Variants in CA10 observed in about 807,000 individuals in gnomAD.
The protein encoded by CA10 is carbonic anhydrase-related protein 10.
In CA10, 14 loss-of-function variants were observed where a neutral mutation model predicts 44.2. That is an observed-to-expected ratio of 0.32 (90% confidence interval 0.21 to 0.50). CA10 has a LOEUF of 0.50. Among genes scored for constraint, CA10 ranks in the 20% least tolerant of loss-of-function variants. The pLI, the probability that CA10 is intolerant of heterozygous loss-of-function variation, is 0.99. For missense variants in CA10, 350 were observed against 409.7 expected (o/e 0.85, Z 1.26); for synonymous variants, 159 against 141.6 (o/e 1.12, Z -0.87).
intron 1 of CA10, among the ~76,000 whole-genome samples, chr17:52,139,317 G>A (rs1028471060): frequency 2.0e-5 from 3 of 152,052 alleles, no homozygotes; most frequent in African/African-American, 7.2e-5. Context: ...AAATAGTCTT[G>A]GATATCCATT....
At chr17:51,871,226 CTTATTTAT>C (rs530615358) in intron 3 of CA10, among the ~76,000 whole-genome samples, 10 of 149,164 alleles carry the variant, frequency 6.7e-5, no homozygotes, top group South Asian at 4.3e-4. Context: ...GCCTGGCTTG[CTTATTTAT>C]TTATTTATTT....
At chr17:51,957,249 A>G (rs1395422326) in intron 2 of CA10, among the ~76,000 whole-genome samples, 2 of 152,158 alleles carry the variant, frequency 1.3e-5, no homozygotes, top group Non-Finnish European at 2.9e-5. Context: ...CAAGGTGTTC[A>G]AGGCAGGCCT....
At position 51,897,814 on chromosome 17, in the gene CA10, C is replaced by CT. The variant is rs1481986603; in HGVS notation, c.279+33175dup. The stretch of plus-strand genomic sequence containing the variant: ...TAGCTGTATTCCTAGGTATTTTATT[C>CT]TTTTTTGTGGCTGTTGTGAATAAGA... On this transcript the variant is annotated intron_variant, in intron 3 of 8. Transcript: ENST00000451037. Among the ~76,000 whole-genome samples the CT allele has an allele frequency of 4.0e-5, 6 of 151,876 alleles. 1 individual carries two copies. Among genetic ancestry groups the CT allele is most frequent in the Admixed American group, 3.9e-4 (6 of 15,208 alleles).
intron 2 of CA10, among the ~76,000 whole-genome samples, chr17:52,042,870 T>C (rs188428560): frequency 2.0e-5 from 3 of 152,198 alleles, no homozygotes; most frequent in East Asian, 1.9e-4. Context: ...CCCTGTTGTG[T>C]ATTCTTGACA....
intron 4 of CA10, among the ~76,000 whole-genome samples, chr17:51,661,344 C>A (rs539737483): frequency 6.6e-6 from 1 of 152,312 alleles, no homozygotes; most frequent in East Asian, 1.9e-4. Flanking sequence ...AAAGAACAGT[C>A]TGGAATTCCA....
intron 2 of CA10, among the ~76,000 whole-genome samples, chr17:51,983,121 TTG>T (rs1984709181): frequency 6.6e-6 from 1 of 151,898 alleles, no homozygotes; most frequent in Non-Finnish European, 1.5e-5. Flanking sequence ...TTAAACTCTT[TTG>T]TGTTTTATAT....
chr17:51,782,604 G>A (rs1057089780), intron 3 of CA10, among the ~76,000 whole-genome samples: 1 of 152,176 alleles, frequency 6.6e-6, no homozygotes, highest in Non-Finnish European at 1.5e-5. Context: ...AGAAAAGTAT[G>A]ATAGATGTGT....
intron 4 of CA10, among the ~76,000 whole-genome samples, chr17:51,744,355 A>G (rs1904584533): frequency 6.6e-6 from 1 of 151,972 alleles, no homozygotes; most frequent in Admixed American, 6.6e-5. Flanking sequence ...GAATTTCAGC[A>G]TCAGAAGATA....
intron 4 of CA10, among the ~76,000 whole-genome samples, chr17:51,733,484 T>C (rs1916791023): frequency 6.6e-6 from 1 of 152,150 alleles, no homozygotes; most frequent in Non-Finnish European, 1.5e-5. Context: ...TGGAATCAAC[T>C]TGTTCTTTAA....
chr17:52,059,231 G>A (rs1421388621), intron 2 of CA10, among the ~76,000 whole-genome samples: 1 of 152,078 alleles, frequency 6.6e-6, no homozygotes, highest in Non-Finnish European at 1.5e-5. Flanking sequence ...ATTCCTTAAT[G>A]CTGCTAACTA....
chr17:51,737,897 C>T (rs554209778), intron 4 of CA10, among the ~76,000 whole-genome samples: 1 of 152,282 alleles, frequency 6.6e-6, no homozygotes, highest in African/African-American at 2.4e-5. Flanking sequence ...TTTATAGAGG[C>T]TGACTGTGGC....
At chr17:51,852,596 T>C (rs28547448) in intron 3 of CA10, among the ~76,000 whole-genome samples, 1 of 151,994 alleles carries the variant, frequency 6.6e-6, no homozygotes, top group Non-Finnish European at 1.5e-5. Context: ...CAGGTCTGAA[T>C]CTAAATGTCC....
intron 4 of CA10, among the ~76,000 whole-genome samples, chr17:51,664,125 G>A (rs562107287): frequency 1.4e-4 from 21 of 152,008 alleles, no homozygotes; most frequent in African/African-American, 2.4e-4. Context: ...ATAAAGGCTC[G>A]CTTTGTTTTA....
intron 4 of CA10, among the ~76,000 whole-genome samples, chr17:51,731,294 T>G (rs1254607149): frequency 6.6e-6 from 1 of 152,166 alleles, no homozygotes; most frequent in Non-Finnish European, 1.5e-5. Flanking sequence ...GGAGAATCAC[T>G]TGAACCCGGG....
chr17:51,727,585 T>G (rs570606722), intron 4 of CA10, among the ~76,000 whole-genome samples: 3 of 152,292 alleles, frequency 2.0e-5, no homozygotes, highest in African/African-American at 7.2e-5. Flanking sequence ...TGGGCAGTCC[T>G]TCTCCTATTC....
intron 2 of CA10, among the ~76,000 whole-genome samples, chr17:51,990,651 CT>C: frequency 6.6e-6 from 1 of 152,090 alleles, no homozygotes; most frequent in Admixed American, 6.6e-5. Flanking sequence ...TCTAATCAAT[CT>C]AATTCCATTT....
intron 6 of CA10, among the ~76,000 whole-genome samples, chr17:51,642,605 T>G (rs1271170517): frequency 1.3e-5 from 2 of 152,216 alleles, no homozygotes; most frequent in Non-Finnish European, 2.9e-5. Context: ...TTTATTTCCT[T>G]AGAGGAAATA....
intron 3 of CA10, among the ~76,000 whole-genome samples, chr17:51,789,323 A>T (rs1906420051): frequency 6.6e-6 from 1 of 152,180 alleles, no homozygotes; most frequent in Admixed American, 6.5e-5. Context: ...GCCCAATTAC[A>T]GTTTTCTAAT....
chr17:51,809,297 G>A (rs888416147), intron 3 of CA10, among the ~76,000 whole-genome samples: 4 of 152,278 alleles, frequency 2.6e-5, no homozygotes, highest in Admixed American at 6.5e-5. Context: ...CACCTATTAT[G>A]TGTCAGGCAC....
Sources: gnomAD v4.1 joint callset for allele counts (sites outside exome capture counted in the v4.1 genomes callset) on GRCh38, gnomAD v4.1.1 for gene constraint, MANE v1.5 for transcripts, NCBI Gene and HGNC (gene_info 2026-07-23, HGNC 2026-07-21) for gene names.